Variants in CBLB observed in about 807,000 individuals in gnomAD.
CBLB encodes the protein Cbl proto-oncogene B.
Under a neutral mutation model 104.9 loss-of-function variants are expected in CBLB, and 31 were observed. The observed-to-expected ratio is 0.30, with a 90% CI of 0.22 to 0.40. The LOEUF is 0.40. CBLB is among the 10% of genes least tolerant of loss of function. The pLI, the probability that CBLB is intolerant of heterozygous loss-of-function variation, is 1.00. For synonymous variants in CBLB, 440 were observed against 422.6 expected (o/e 1.04, Z -0.51); for missense variants, 1,062 against 1,214.6 (o/e 0.87, Z 1.87).
At chr3:105,845,409 T>C (rs923625405) in intron 3 of CBLB, among the ~76,000 whole-genome samples, 2 of 150,058 alleles carry the variant, frequency 1.3e-5, no homozygotes, top group South Asian at 2.1e-4. Context: ...ACTAAATAAA[T>C]GAAATAAATA....
At chr3:105,802,133 T>C (rs573225492) in intron 3 of CBLB, among the ~76,000 whole-genome samples, 4 of 152,366 alleles carry the variant, frequency 2.6e-5, no homozygotes, top group Non-Finnish European at 4.4e-5. Flanking sequence ...GAGAAACTCA[T>C]ACATCCAAAG....
chr3:105,662,196 C>A (rs2063853151), intron 18 of CBLB, among the ~76,000 whole-genome samples: 1 of 152,176 alleles, frequency 6.6e-6, no homozygotes, highest in Non-Finnish European at 1.5e-5. Context: ...CAGACGCAGC[C>A]TTCACTTTCT....
chr3:105,697,105 C>T lies in CBLB; in HGVS notation c.1960-3517G>A, dbSNP rs191948199. On this transcript the variant is annotated intron_variant, in intron 12 of 18. Coordinates refer to ENST00000394030, the MANE Select transcript of CBLB (RefSeq NM_170662.5). Reference sequence around the variant, plus strand: ...TAATCACATGCCTGTCTCATCCTGACTAGCTTTTCTGTGCTTTATTCCTCT... The same window carrying T: ...TAATCACATGCCTGTCTCATCCTGATTAGCTTTTCTGTGCTTTATTCCTCT... Among the ~76,000 whole-genome samples, 220 of 152,018 alleles carry T rather than the reference C, an allele frequency of 1.4e-3. 1 individual carries two copies. Among genetic ancestry groups the T allele is most frequent in the African/African-American group, 3.8e-3 (158 of 41,534 alleles).
At chr3:105,703,552 C>CAGAA (rs1360498876) in intron 11 of CBLB, among the ~76,000 whole-genome samples, 3 of 152,046 alleles carry the variant, frequency 2.0e-5, no homozygotes, top group Non-Finnish European at 2.9e-5. Context: ...ATAATTCCCT[C>CAGAA]TTCTGAGTCG....
At chr3:105,802,161 G>A (rs2082952910) in intron 3 of CBLB, among the ~76,000 whole-genome samples, 1 of 152,178 alleles carries the variant, frequency 6.6e-6, no homozygotes, top group Admixed American at 6.5e-5. Context: ...CAGCATCCTG[G>A]ATGTCAGATT....
rs187863123 is a variant in CBLB, at chr3:105,791,621, C to T, written c.420-15079G>A. On this transcript the variant is annotated intron_variant, in intron 3 of 18. Transcript: ENST00000394030. ...TGATTCTATGGACTACACTGAAATCCGTTCTTTTAAAATGGACTGAAGTTA... is the reference window on the plus strand; with the variant it reads ...TGATTCTATGGACTACACTGAAATCTGTTCTTTTAAAATGGACTGAAGTTA... Among the ~76,000 whole-genome samples the T allele has an allele frequency of 1.1e-4, 17 of 152,258 alleles. No homozygotes were observed. The East Asian group carries it at 3.3e-3, about 29-fold the overall frequency.
At chr3:105,853,324 A>C in intron 3 of CBLB, 90 bp downstream of exon 3, 1 of 1,372,682 alleles carries the variant, frequency 7.3e-7, no homozygotes, top group Non-Finnish European at 1.0e-6. Flanking sequence ...TTTACCCCAA[A>C]ACAATTACAT....
At chr3:105,832,063 T>C (rs1218038680) in intron 3 of CBLB, among the ~76,000 whole-genome samples, 1 of 152,142 alleles carries the variant, frequency 6.6e-6, no homozygotes, top group Non-Finnish European at 1.5e-5. Context: ...AGAGCTGGCA[T>C]AATATAATTA....
At chr3:105,835,743 T>C (rs920162164) in intron 3 of CBLB, among the ~76,000 whole-genome samples, 2 of 152,216 alleles carry the variant, frequency 1.3e-5, no homozygotes, top group African/African-American at 4.8e-5. Context: ...AGTTTGAGAT[T>C]GCAGTACAGC....
intron 1 of CBLB, 49 bp from the exon 2 acceptor site, chr3:105,867,640 A>G (rs1217925803): frequency 1.3e-6 from 2 of 1,547,530 alleles, no homozygotes; most frequent in East Asian, 4.5e-5. Context: ...TTTTGAAAAT[A>G]TTTACCCACC....
intron 3 of CBLB, among the ~76,000 whole-genome samples, chr3:105,782,351 A>C (rs1049636285): frequency 6.6e-6 from 1 of 152,222 alleles, no homozygotes; most frequent in Non-Finnish European, 1.5e-5. Context: ...CAATTTTTCA[A>C]CTTGCTCCAT....
chr3:105,704,865 CAGTA>C (rs1275858648), intron 10 of CBLB, among the ~76,000 whole-genome samples: 2 of 152,038 alleles, frequency 1.3e-5, no homozygotes, highest in South Asian at 2.1e-4. Flanking sequence ...ATCGAAAAGC[CAGTA>C]AGTATTTCAA....
At chr3:105,725,425 T>C (rs1559971315) in intron 9 of CBLB, among the ~76,000 whole-genome samples, 1 of 152,318 alleles carries the variant, frequency 6.6e-6, no homozygotes, top group East Asian at 1.9e-4. Context: ...ACTGAAAATG[T>C]TTCCAAAGTG....
chr3:105,702,495 A>AAAAC, intron 11 of CBLB, 36 bp from the exon 12 acceptor site: 1 of 1,475,866 alleles, frequency 6.8e-7, no homozygotes, highest in Non-Finnish European at 9.0e-7. Context: ...AAAAAAAAAA[A>AAAAC]AAAACTAAAG....
At chr3:105,665,372 C>T (rs937493949) in intron 18 of CBLB, among the ~76,000 whole-genome samples, 2 of 135,332 alleles carry the variant, frequency 1.5e-5, no homozygotes, top group Admixed American at 7.7e-5. Flanking sequence ...GGTGACAGAG[C>T]GAGACTCTGT....
intron 9 of CBLB, among the ~76,000 whole-genome samples, chr3:105,725,763 C>T (rs1027644660): frequency 6.6e-6 from 1 of 152,148 alleles, no homozygotes; most frequent in Non-Finnish European, 1.5e-5. Context: ...TTTGTAGTAC[C>T]TAAGTTATAA....
At chr3:105,778,283 T>C (rs1005584194) in intron 3 of CBLB, among the ~76,000 whole-genome samples, 6 of 152,166 alleles carry the variant, frequency 3.9e-5, no homozygotes, top group Non-Finnish European at 7.4e-5. Flanking sequence ...TTGAAAGTTG[T>C]GTTTCTTTGC....
chr3:105,753,385 A>G (rs2152913931), intron 4 of CBLB, among the ~76,000 whole-genome samples: 1 of 152,048 alleles, frequency 6.6e-6, no homozygotes, highest in East Asian at 1.9e-4. Flanking sequence ...TTAAAAAAAA[A>G]AGGAACACTT....
intron 3 of CBLB, among the ~76,000 whole-genome samples, chr3:105,837,103 G>A (rs1185624773): frequency 2.0e-5 from 3 of 152,114 alleles, no homozygotes. Flanking sequence ...TTAAAAACTA[G>A]TTTTCAAGTT....
Sources: gnomAD v4.1 joint callset for allele counts (sites outside exome capture counted in the v4.1 genomes callset) on GRCh38, gnomAD v4.1.1 for gene constraint, MANE v1.5 for transcripts, NCBI Gene and HGNC (gene_info 2026-07-23, HGNC 2026-07-21) for gene names.